The following SEZ6 variants were observed in gnomAD, a reference collection of about 807,000 sequenced individuals.
The protein encoded by SEZ6 is seizure protein 6 homolog.
Under a neutral mutation model 101.0 loss-of-function variants are expected in SEZ6, and 53 were observed. The ratio of observed to expected loss-of-function variants is 0.52; its 90% CI spans 0.42 to 0.66. The LOEUF (loss-of-function observed/expected upper bound fraction) is 0.66, where lower values mean the gene tolerates loss of function less well. Among genes scored for constraint, SEZ6 ranks in the 30% least tolerant of loss-of-function variants. SEZ6 has a pLI of 0.00. For synonymous variants in SEZ6, 488 were observed against 512.2 expected (o/e 0.95, Z 0.64); for missense variants, 1,102 against 1,289.4 (o/e 0.85, Z 2.23).
At position 28,955,964 on chromosome 17, in the gene SEZ6, A is replaced by C; in HGVS notation, c.2983T>G (p.Ter995GlyextTer38). ...CTGCCCCCACCTAGATGGAGACTTC[A>C]TATTCTCTCGTCTCCTGCAAAGGAA... ...SLSFAGDERI[*>G] The change falls in exon 17 of 17, where the codon TGA becomes GGA. Residue 995 changes from the stop codon to glycine, a stop_lost. Transcript: ENST00000317338. The C allele has an allele frequency of 6.2e-7, 1 of 1,612,434 alleles. No individual in the cohort carries two copies. The highest frequency in any genetic ancestry group is 1.3e-5 in the African/African-American group (1 of 74,978).
chr17:28,990,291 C>G (rs962071399), intron 1 of SEZ6, among the ~76,000 whole-genome samples: 4 of 151,858 alleles, frequency 2.6e-5, no homozygotes, highest in Admixed American at 6.6e-5. Flanking sequence ...TTCTTTTTTT[C>G]TTTACTCTGT....
intron 1 of SEZ6, among the ~76,000 whole-genome samples, chr17:28,986,667 C>G (rs768285263): frequency 6.6e-6 from 1 of 152,194 alleles, no homozygotes; most frequent in Non-Finnish European, 1.5e-5. Context: ...GCTGGCTTGC[C>G]CCTTCAGCGC....
intron 4 of SEZ6, among the ~76,000 whole-genome samples, chr17:28,969,356 T>C (rs917240452): frequency 6.6e-6 from 1 of 152,212 alleles, no homozygotes; most frequent in Non-Finnish European, 1.5e-5. Context: ...TTATTGCCTG[T>C]TTAAGTGTCT....
intron 1 of SEZ6, among the ~76,000 whole-genome samples, chr17:29,003,172 A>C (rs867913151): frequency 3.2e-4 from 48 of 152,236 alleles, no homozygotes; most frequent in Admixed American, 5.9e-4. Context: ...GTAATTGCTC[A>C]TTAAAAATCA....
intron 2 of SEZ6, among the ~76,000 whole-genome samples, chr17:28,981,073 T>G (rs992892210): frequency 2.0e-5 from 3 of 152,056 alleles, no homozygotes; most frequent in African/African-American, 7.2e-5. Flanking sequence ...TTTTTGTATT[T>G]TTAGTAGAGA....
At chr17:28,993,542 T>C (rs753773397) in intron 1 of SEZ6, among the ~76,000 whole-genome samples, 36 of 152,210 alleles carry the variant, frequency 2.4e-4, no homozygotes, top group Non-Finnish European at 4.4e-4. Flanking sequence ...AGGCAGGAGC[T>C]GCATTCTCCC....
intron 1 of SEZ6, among the ~76,000 whole-genome samples, chr17:28,985,686 G>A (rs977799381): frequency 6.6e-6 from 1 of 152,208 alleles, no homozygotes; most frequent in African/African-American, 2.4e-5. Context: ...GGTGGCCCCT[G>A]GCAGGTAGGG....
Position 28,958,069 on chromosome 17 carries a change from T to C in SEZ6, c.2180A>G (p.Glu727Gly). 6.2e-7 allele frequency: 1 copy of C among 1,612,738 alleles called. No individual in the cohort carries two copies. Among genetic ancestry groups the C allele is most frequent in the Non-Finnish European group, 8.5e-7 (1 of 1,178,888 alleles). Reference sequence around the variant, plus strand: ...AGTGACCACGGTGCCGTGCACTAGCTCAGGCTGCGATGGGCTCTTCCAGCC... The same window carrying C: ...AGTGACCACGGTGCCGTGCACTAGCCCAGGCTGCGATGGGCTCTTCCAGCC... Reference protein sequence around the residue: ...PNGWKSPSQPELVHGTVVTYQ... With the variant: ...PNGWKSPSQPGLVHGTVVTYQ... Residue 727 changes from glutamate (E) to glycine (G), a missense_variant, in exon 11 of 17, where the codon GAG (glutamate) becomes GGG (glycine). Transcript: ENST00000317338.
intron 1 of SEZ6, among the ~76,000 whole-genome samples, chr17:28,986,385 C>A (rs1443914856): frequency 2.0e-5 from 3 of 152,202 alleles, no homozygotes; most frequent in Non-Finnish European, 4.4e-5. Flanking sequence ...GGAGCGGAGG[C>A]CACCTGCGCC....
At chr17:28,991,638 G>T (rs144117700) in intron 1 of SEZ6, among the ~76,000 whole-genome samples, 15 of 152,340 alleles carry the variant, frequency 9.8e-5, no homozygotes, top group African/African-American at 3.6e-4. Context: ...TCCTGGAAAA[G>T]AGTTAAGATG....
At chr17:28,963,499 TC>T (rs2095225078) in intron 5 of SEZ6, among the ~76,000 whole-genome samples, 1 of 152,190 alleles carries the variant, frequency 6.6e-6, no homozygotes, top group South Asian at 2.1e-4. Flanking sequence ...GTCTTCTGTG[TC>T]CCTAAACACC....
intron 1 of SEZ6, among the ~76,000 whole-genome samples, chr17:28,992,327 C>G (rs1186441461): frequency 6.6e-6 from 1 of 152,136 alleles, no homozygotes; most frequent in Non-Finnish European, 1.5e-5. Flanking sequence ...TGTCTACTGC[C>G]TTGGCTGCTG....
Position 29,005,078 on chromosome 17 carries a change from GGT to G in SEZ6, c.55+735_55+736del, listed in dbSNP as rs58063439. ...GGAGGGAGGCAGAGCTCGGGGCAGT[GGT>G]GTGTGTGTGTGTGTGTGTGTGTGTG... On this transcript the variant is annotated intron_variant, in intron 1 of 16. Transcript: ENST00000317338. This position sits in a 1 kb window ranked among gnomAD's most constrained non-coding sequence, Gnocchi z 4.8. Among the ~76,000 whole-genome samples, 83,935 of 137,456 alleles carry G rather than the reference GGT, an allele frequency of 0.61. 25,912 individuals carry two copies. The highest frequency in any genetic ancestry group is 0.75 in the East Asian group (3,405 of 4,536). The allele number at this position is 137,456 out of a possible 152,430, so 90.2% of individuals were successfully genotyped here. A position where few individuals can be genotyped will look rare whatever the true frequency, so the allele number is the denominator to read the frequency against.
chr17:29,004,083 A>G (rs1331177724), intron 1 of SEZ6, among the ~76,000 whole-genome samples: 1 of 152,150 alleles, frequency 6.6e-6, no homozygotes, highest in Non-Finnish European at 1.5e-5. Flanking sequence ...GGCCTCACAC[A>G]GTCCTCACAC....
At chr17:28,967,219 T>C (rs1340231336) in intron 4 of SEZ6, among the ~76,000 whole-genome samples, 1 of 152,230 alleles carries the variant, frequency 6.6e-6, no homozygotes, top group Admixed American at 6.5e-5. Context: ...ACATGTACTT[T>C]CCAGATTCTA....
At chr17:28,961,252 G>A (rs182737477) in intron 5 of SEZ6, among the ~76,000 whole-genome samples, 147 of 152,212 alleles carry the variant, frequency 9.7e-4, no homozygotes, top group African/African-American at 3.5e-3. Flanking sequence ...ATCACTGCCT[G>A]GTTGTGTGCC....
chr17:28,984,089 C>T (rs1441054538), intron 1 of SEZ6, among the ~76,000 whole-genome samples: 1 of 152,220 alleles, frequency 6.6e-6, no homozygotes, highest in African/African-American at 2.4e-5. Flanking sequence ...CTAAAGCAGC[C>T]CATCTGTGTC....
chr17:28,956,212 A>G lies in SEZ6; in HGVS notation c.2899T>C (p.Tyr967His), dbSNP rs1567979505. The G allele has an allele frequency of 2.6e-5, 4 of 151,146 alleles. No homozygotes were observed. Among genetic ancestry groups the G allele is most frequent in the South Asian group, 5.3e-5 (1 of 18,736 alleles). 9.4% of individuals were successfully genotyped at this position (151,146 alleles called of 1,614,324 possible). ...LQLPRPRPRPYNRITIESAFD... is the reference protein window; with the variant it reads ...LQLPRPRPRPHNRITIESAFD... ...GCTGACTCTATGGTAATGCGGTTGT[A>G]GGGGCGGGGGCGGGGGCGGGGCAGC... Residue 967 changes from tyrosine to histidine, a missense_variant, in exon 16 of 17, where the codon TAC becomes CAC. By Grantham distance (83) the Tyr-to-His change is moderately conservative (BLOSUM62 2). Coordinates refer to ENST00000317338, the MANE Select transcript of SEZ6 (RefSeq NM_178860.5).
At chr17:28,957,675 A>G in intron 11 of SEZ6, 136 bp from the exon 12 acceptor site, 1 of 1,008,372 alleles carries the variant, frequency 9.9e-7, no homozygotes, top group African/African-American at 1.6e-5. Flanking sequence ...CCCTACCATT[A>G]TGCTAGTGTG....
Sources: allele counts gnomAD v4.1 joint callset (sites outside exome capture counted in the v4.1 genomes callset), GRCh38; gene constraint gnomAD v4.1.1; non-coding constraint Gnocchi (gnomAD v3.1); transcripts MANE v1.5; gene names NCBI Gene and HGNC (gene_info 2026-07-23, HGNC 2026-07-21).